BDP1: variants seen among roughly 807,000 people sequenced by gnomAD.
BDP1 encodes BDP1 general transcription factor IIIB subunit, also known as transcription factor TFIIIB component B'' homolog.
In BDP1, 169 loss-of-function variants were observed where a neutral mutation model predicts 266.6. The ratio of observed to expected loss-of-function variants is 0.63; its 90% CI spans 0.56 to 0.72. The LOEUF is 0.72. BDP1 is among the 30% of genes least tolerant of loss of function. BDP1 has a pLI of 0.00. For missense variants in BDP1, 3,015 were observed against 3,053.8 expected, an observed-to-expected ratio of 0.99 and a Z score of 0.30; for synonymous variants, 1,090 against 1,022.4, an observed-to-expected ratio of 1.07 and a Z score of -1.26.
chr5:71,532,227 T>TA (rs1490734839), intron 25 of BDP1, 81 bp from the exon 26 acceptor site: 1 of 1,244,076 alleles, frequency 8.0e-7, no homozygotes, highest in African/African-American at 1.5e-5. Flanking sequence ...CGTTTCATCT[T>TA]ACTTATTCAT....
At chr5:71,557,494 C>T (rs555724143) in intron 36 of BDP1, among the ~76,000 whole-genome samples, 14 of 147,880 alleles carry the variant, frequency 9.5e-5, no homozygotes, top group Admixed American at 7.6e-4. Context: ...ACACCATTCT[C>T]CTGCCTCAGC....
chr5:71,514,042 C>T (rs1765091684), intron 19 of BDP1, among the ~76,000 whole-genome samples: 1 of 152,024 alleles, frequency 6.6e-6, no homozygotes, highest in African/African-American at 2.4e-5. Context: ...TTTTATTTCA[C>T]TCTCTTGTGA....
intron 34 of BDP1, among the ~76,000 whole-genome samples, chr5:71,551,155 C>G (rs940581995): frequency 6.6e-6 from 1 of 151,462 alleles, no homozygotes; most frequent in African/African-American, 2.4e-5. Flanking sequence ...GGGTGTTTCT[C>G]GCAGAGGGGG....
At chr5:71,533,111 T>C (rs1766355193) in intron 26 of BDP1, among the ~76,000 whole-genome samples, 1 of 152,234 alleles carries the variant, frequency 6.6e-6, no homozygotes, top group Admixed American at 6.5e-5. Context: ...TAGTGGTACT[T>C]CCTTACTTTT....
At chr5:71,495,911 C>T (rs1763859362) in intron 12 of BDP1, among the ~76,000 whole-genome samples, 1 of 152,048 alleles carries the variant, frequency 6.6e-6, no homozygotes, top group Non-Finnish European at 1.5e-5. Context: ...TTTTAGTCTT[C>T]CTTGTAATTC....
At chr5:71,536,655 G>GC (rs1766616355) in intron 26 of BDP1, among the ~76,000 whole-genome samples, 1 of 152,138 alleles carries the variant, frequency 6.6e-6, no homozygotes, top group Non-Finnish European at 1.5e-5. Context: ...GGGAGACTCT[G>GC]TCTCTACAAA....
chr5:71,572,715 C>A (rs143267432), downstream of BDP1, among the ~76,000 whole-genome samples: 2 of 152,158 alleles, frequency 1.3e-5, no homozygotes, highest in Non-Finnish European at 2.9e-5. Context: ...ATGGTTTCCA[C>A]GGCTTATTAA....
chr5:71,521,973 G>C (rs1765518683), intron 22 of BDP1, among the ~76,000 whole-genome samples: 1 of 150,000 alleles, frequency 6.7e-6, no homozygotes, highest in African/African-American at 2.4e-5. Flanking sequence ...TTTTTTTTTG[G>C]TATCCTGTGA....
At position 71,483,743 on chromosome 5, in the gene BDP1, A is replaced by G. The variant is rs148514246; in HGVS notation, c.1015-99A>G. 1.4e-4 allele frequency: 120 copies of G among 835,558 alleles called. 1 individual carries two copies. The South Asian group carries it at 1.7e-3, about 12-fold the overall frequency. The allele number at this position is 835,558 out of a possible 1,614,324, so 51.8% of individuals were successfully genotyped here. A position where few individuals can be genotyped will look rare whatever the true frequency, so the allele number is the denominator to read the frequency against. On this transcript the variant is annotated intron_variant, in intron 7 of 38. Transcript: ENST00000358731. ...AAAGACATATTAAGTAGAGAGCAGT[A>G]TGTTATTCCTAAGAGTTTCATTTTA...
intron 16 of BDP1, among the ~76,000 whole-genome samples, chr5:71,507,636 C>T (rs1369863542): frequency 1.3e-5 from 2 of 152,142 alleles, no homozygotes; most frequent in Non-Finnish European, 2.9e-5. Flanking sequence ...ATTGCTAGCA[C>T]AGTAATCTCA....
chr5:71,508,539 C>T (rs1035515903), intron 16 of BDP1, among the ~76,000 whole-genome samples: 2 of 151,924 alleles, frequency 1.3e-5, no homozygotes, highest in Non-Finnish European at 2.9e-5. Flanking sequence ...CTGCTTCAGC[C>T]TCCTGAAGTG....
At chr5:71,476,978 A>G (rs1483818280) in intron 7 of BDP1, among the ~76,000 whole-genome samples, 1 of 150,922 alleles carries the variant, frequency 6.6e-6, no homozygotes, top group Non-Finnish European at 1.5e-5. Flanking sequence ...GCTGGGAATT[A>G]CAGGCGTGAG....
chr5:71,476,489 T>G (rs1437892090), intron 7 of BDP1, among the ~76,000 whole-genome samples: 2 of 152,206 alleles, frequency 1.3e-5, no homozygotes, highest in African/African-American at 4.8e-5. Flanking sequence ...AATCTCAGCC[T>G]TTTATTTGTT....
chr5:71,473,072 A>G (rs1010084574), intron 7 of BDP1, among the ~76,000 whole-genome samples: 56 of 150,254 alleles, frequency 3.7e-4, no homozygotes, highest in African/African-American at 1.4e-3. Context: ...TTTTGTAGAG[A>G]CTGGCTTTTG....
At position 71,567,456 on chromosome 5, in the gene BDP1, C is replaced by A. The variant is rs571881951; in HGVS notation, c.*2571C>A. ...TATTTACCTTACATGTTGGAAAGAA[C>A]TATGTTAGGTCTGATTCATGTGAAG... is the stretch of plus-strand genomic sequence containing the variant. On this transcript the variant is annotated 3_prime_UTR_variant, in exon 39 of 39. Coordinates refer to ENST00000358731, the MANE Select transcript of BDP1 (RefSeq NM_018429.3). 12 of 152,274 alleles carry A rather than the reference C, an allele frequency of 7.9e-5. No homozygotes were observed. The highest frequency in any genetic ancestry group is 2.9e-4 in the African/African-American group (12 of 41,542). 9.4% of individuals were successfully genotyped at this position (152,274 alleles called of 1,614,324 possible).
intron 6 of BDP1, 127 bp from the exon 7 acceptor site, chr5:71,470,268 G>T (rs1762157714): frequency 5.9e-6 from 4 of 675,330 alleles, no homozygotes; most frequent in Non-Finnish European, 1.0e-5. Flanking sequence ...TTATAATAAG[G>T]TGTTTTTAGG....
At position 71,513,293 on chromosome 5, in the gene BDP1, A is replaced by T; in HGVS notation, c.4356A>T (p.Arg1452Ser). 1 of 1,612,678 alleles carries T rather than the reference A, an allele frequency of 6.2e-7. No homozygotes were observed. The highest frequency in any genetic ancestry group is 8.5e-7 in the Non-Finnish European group (1 of 1,179,102). The change falls in exon 19 of 39, where the codon AGA (arginine) becomes AGT (serine). Residue 1452 changes from arginine to serine, a missense_variant. Coordinates refer to ENST00000358731, the MANE Select transcript of BDP1 (RefSeq NM_018429.3). ...ACTTAGCAAGAGCAGCTTTGAAGAG[A>T]GAGACTACAGAATCAGAAAAATATA... ...KPNLARAALK[R>S]ETTESEKYIY...
rs190706421 is a variant in BDP1, at chr5:71,497,553, C to T, written c.1956+127C>T. 1.2e-4 allele frequency: 83 copies of T among 669,276 alleles called. No homozygotes were observed. The East Asian group carries it at 1.3e-3, about 11-fold the overall frequency. The allele number at this position is 669,276 out of a possible 1,614,324, so 41.5% of individuals were successfully genotyped here. A position where few individuals can be genotyped will look rare whatever the true frequency, so the allele number is the denominator to read the frequency against. On this transcript the variant is annotated intron_variant, in intron 13 of 38. Coordinates refer to ENST00000358731, the MANE Select transcript of BDP1 (RefSeq NM_018429.3). ...ATATTAAAACAGATACAAGAACTTA[C>T]ATTAACATTAGATTTGTTCGTATCT...
intron 35 of BDP1, among the ~76,000 whole-genome samples, chr5:71,554,403 G>A (rs1431645990): frequency 1.3e-5 from 2 of 152,050 alleles, no homozygotes; most frequent in African/African-American, 4.8e-5. Flanking sequence ...ATTGTCTCTT[G>A]ACTCTGCTTT....
Sources: allele counts gnomAD v4.1 joint callset (sites outside exome capture counted in the v4.1 genomes callset), GRCh38; gene constraint gnomAD v4.1.1; transcripts MANE v1.5; gene names NCBI Gene and HGNC (gene_info 2026-07-23, HGNC 2026-07-21).